ADGRG1: variants seen among roughly 807,000 people sequenced by gnomAD.
ADGRG1 encodes the protein 7-transmembrane protein with no EGF-like N-terminal domains-1.
Under a neutral mutation model 73.5 loss-of-function variants are expected in ADGRG1, and 53 were observed. The observed-to-expected ratio is 0.72, with a 90% confidence interval of 0.58 to 0.91. ADGRG1 has a LOEUF of 0.91. Among genes scored for constraint, ADGRG1 ranks in the 40% least tolerant of loss-of-function variants. The pLI is 0.00. For missense variants in ADGRG1, 795 were observed against 871.8 expected, an observed-to-expected ratio of 0.91 and a Z score of 1.11; for synonymous variants, 394 against 374.4, an observed-to-expected ratio of 1.05 and a Z score of -0.60.
chr16:57,657,272 C>T (rs1030789087), intron 9 of ADGRG1, 101 bp from the exon 10 acceptor site: 26 of 1,579,420 alleles, frequency 1.6e-5, no homozygotes, highest in Middle Eastern at 3.7e-4. Context: ...CTTAGGCTTC[C>T]GAGGCCCACC....
chr16:57,626,583 A>G (rs1260595305), upstream of ADGRG1: 1 of 985,312 alleles, frequency 1.0e-6, no homozygotes, highest in Non-Finnish European at 1.2e-6. Context: ...CCGCCCAGCC[A>G]GGCAGCCCCA....
intron 5 of ADGRG1, 132 bp downstream of exon 5, chr16:57,654,265 C>G: frequency 1.1e-6 from 1 of 877,978 alleles, no homozygotes. Context: ...AGGTTCCAGG[C>G]CCGAGGATAG....
intron 1 of ADGRG1, chr16:57,641,944 G>A (rs184329440): frequency 9.4e-6 from 2 of 211,664 alleles, no homozygotes; most frequent in East Asian, 3.7e-4. Flanking sequence ...CTTGAGTACT[G>A]CGGCATGATC....
chr16:57,645,269 G>T (rs1019509878), intron 1 of ADGRG1: 1 of 985,410 alleles, frequency 1.0e-6, no homozygotes, highest in Non-Finnish European at 1.2e-6. Flanking sequence ...TCCCAGCGAG[G>T]GCCCATTTAA....
At chr16:57,623,968 A>T (rs1949734172), upstream of ADGRG1, 1 of 336,418 alleles carries the variant, frequency 3.0e-6, no homozygotes, top group Admixed American at 6.4e-5. Context: ...TCTCTGTTAA[A>T]TGGGAACAAT....
chr16:57,645,917 G>A (rs1234864918), intron 1 of ADGRG1: 1 of 152,236 alleles, frequency 6.6e-6, no homozygotes, highest in African/African-American at 2.4e-5. Context: ...GGGAGGACTT[G>A]TCTTAGCTCG....
At chr16:57,637,452 CCTCGT>C in intron 1 of ADGRG1, 2 of 985,348 alleles carry the variant, frequency 2.0e-6, no homozygotes, top group Non-Finnish European at 2.4e-6. Context: ...GCGTGGTGTG[CCTCGT>C]CTGTACCTCC....
chr16:57,655,023 CA>C (rs1309031636), intron 5 of ADGRG1: 2 of 981,044 alleles, frequency 2.0e-6, no homozygotes, highest in African/African-American at 1.8e-5. Context: ...CCCAGCCACA[CA>C]CCCCATCTTG....
intron 1 of ADGRG1, chr16:57,633,995 TG>T: frequency 2.6e-6 from 2 of 777,588 alleles, no homozygotes; most frequent in Non-Finnish European, 3.1e-6. Context: ...GACCCTGGGC[TG>T]GGGAGCTGAG....
intron 1 of ADGRG1, chr16:57,632,658 G>T: frequency 2.3e-6 from 1 of 437,966 alleles, no homozygotes; most frequent in Non-Finnish European, 3.0e-6. Context: ...CTCGTGCTTT[G>T]GTGAGGAGGC....
chr16:57,624,415 C>T (rs541471195), upstream of ADGRG1, among the ~76,000 whole-genome samples: 23 of 152,172 alleles, frequency 1.5e-4, no homozygotes, highest in South Asian at 4.8e-3. Context: ...GTGGGAGGAT[C>T]GTTTGAGCCC....
chr16:57,643,456 C>A, intron 1 of ADGRG1: 1 of 564,984 alleles, frequency 1.8e-6, no homozygotes, highest in Non-Finnish European at 2.2e-6. Context: ...TCCCCTTTGT[C>A]ACTCTTCCCA....
In ADGRG1 at chr16:57,650,380, G is replaced by C. The variant is rs368625293; in HGVS notation, c.64+29G>C. ...GGTCTTCCCAGGGGTGCCCTGGGCTGTTGGAACTTACGTTAAAATGCCCCT... is the reference window on the plus strand; with the variant it reads ...GGTCTTCCCAGGGGTGCCCTGGGCTCTTGGAACTTACGTTAAAATGCCCCT... On this transcript the variant is annotated intron_variant, in intron 2 of 13. Transcript: ENST00000562631. The C allele has an allele frequency of 5.4e-4, 874 of 1,607,878 alleles. 1 individual carries two copies. The highest frequency in any genetic ancestry group is 1.2e-3 in the Admixed American group (73 of 60,026).
In ADGRG1 at chr16:57,656,602, C is replaced by T. The variant is rs1247301762; in HGVS notation, c.1152C>T (p.Tyr384=). Residue 384 remains tyrosine, a synonymous_variant, in exon 9 of 14, where the codon TAC becomes TAT. Transcript: ENST00000562631. ...QTSCFCNHLT[Y]FAVLMVSSVE... is the part of the protein sequence containing the mutation. The stretch of plus-strand genomic sequence containing the variant: ...CCTGCTTCTGCAACCACTTGACCTA[C>T]TTTGCAGTGCTGATGGTGAGGGTCC... The T allele has an allele frequency of 1.9e-6, 3 of 1,607,470 alleles. No homozygotes were observed. Among genetic ancestry groups the T allele is most frequent in the African/African-American group, 2.7e-5 (2 of 74,894 alleles).
chr16:57,645,025 C>T (rs1020682001), intron 1 of ADGRG1: 3 of 959,070 alleles, frequency 3.1e-6, no homozygotes, highest in Non-Finnish European at 3.7e-6. Context: ...CGCACACACT[C>T]ATCACACACT....
chr16:57,644,777 T>C (rs1298202411), intron 1 of ADGRG1, among the ~76,000 whole-genome samples: 3 of 120,296 alleles, frequency 2.5e-5, no homozygotes, highest in African/African-American at 6.7e-5. Context: ...CACACACACA[T>C]ATGCACACTC....
At chr16:57,653,714 C>T in intron 4 of ADGRG1, 2 of 825,056 alleles carry the variant, frequency 2.4e-6, no homozygotes, top group South Asian at 1.1e-4. Flanking sequence ...GCCCCCACCA[C>T]ACCATTGCTC....
At chr16:57,623,800 C>A (rs530121387), upstream of ADGRG1, 5 of 985,330 alleles carry the variant, frequency 5.1e-6, no homozygotes, top group East Asian at 3.4e-4. Context: ...ACTATGGGTA[C>A]CCCCACGCCT....
chr16:57,652,234 T>G, intron 3 of ADGRG1: 1 of 676,556 alleles, frequency 1.5e-6, no homozygotes, highest in South Asian at 6.5e-5. Flanking sequence ...GACAGGTACA[T>G]GTGGCCACTG....
Sources: gnomAD v4.1 joint callset for allele counts (sites outside exome capture counted in the v4.1 genomes callset) on GRCh38, gnomAD v4.1.1 for gene constraint, MANE v1.5 for transcripts, NCBI Gene and HGNC (gene_info 2026-07-23, HGNC 2026-07-21) for gene names.